UGGT2: variants seen among roughly 807,000 people sequenced by gnomAD.
The protein encoded by UGGT2 is UDP-glucose glycoprotein glucosyltransferase 2.
UGGT2 carries 180 observed loss-of-function variants against 192.1 expected under a neutral mutation model. The ratio of observed to expected loss-of-function variants is 0.94; its 90% CI spans 0.83 to 1.06. The LOEUF (loss-of-function observed/expected upper bound fraction) is 1.06. Ranked by LOEUF, UGGT2 falls within the 50% of genes least tolerant of loss-of-function variation. UGGT2 has a pLI of 0.00. For synonymous variants in UGGT2, 580 were observed against 591.0 expected, an observed-to-expected ratio of 0.98 and a Z score of 0.27; for missense variants, 1,849 against 1,795.7, an observed-to-expected ratio of 1.03 and a Z score of -0.54.
intron 2 of UGGT2, among the ~76,000 whole-genome samples, chr13:96,029,555 G>A (rs1012940475): frequency 6.6e-6 from 1 of 152,014 alleles, no homozygotes; most frequent in African/African-American, 2.4e-5. Context: ...CAAAGTGCTG[G>A]GATTACAGGC....
intron 1 of UGGT2, among the ~76,000 whole-genome samples, chr13:96,044,050 C>A (rs944187420): frequency 2.0e-5 from 3 of 152,090 alleles, no homozygotes; most frequent in Admixed American, 1.3e-4. Flanking sequence ...ACCCAACAAC[C>A]ACAGAATATA....
chr13:95,878,884 A>T (rs2047415886), intron 27 of UGGT2, among the ~76,000 whole-genome samples: 1 of 152,202 alleles, frequency 6.6e-6, no homozygotes, highest in Non-Finnish European at 1.5e-5. Flanking sequence ...AACAAAAAAT[A>T]AGTAACTTCT....
rs140660785 is a variant in UGGT2 at position 96,011,895 on chromosome 13, A to G, written c.660+1412T>C. Among the ~76,000 whole-genome samples the G allele has an allele frequency of 2.0e-5, 3 of 152,220 alleles. No individual in the cohort carries two copies. The East Asian group carries it at 5.8e-4, about 29-fold the overall frequency. On this transcript the variant is annotated intron_variant, in intron 5 of 38. Transcript: ENST00000376747. Reference sequence around the variant, plus strand: ...TGAAGAAAAAGTCTCTTCAAAATTAATCAGAAAGGTCCAATTCATTCCCGT... The same window carrying G: ...TGAAGAAAAAGTCTCTTCAAAATTAGTCAGAAAGGTCCAATTCATTCCCGT...
chr13:95,970,039 GC>G, intron 12 of UGGT2, 72 bp downstream of exon 12: 1 of 1,444,342 alleles, frequency 6.9e-7, no homozygotes, highest in South Asian at 1.3e-5. Flanking sequence ...CATCAGGCCT[GC>G]CGATACTTCA....
At chr13:96,050,316 T>C (rs935820494) in intron 1 of UGGT2, among the ~76,000 whole-genome samples, 69 of 152,188 alleles carry the variant, frequency 4.5e-4, no homozygotes, top group Non-Finnish European at 7.5e-4. Context: ...TTACACCTTA[T>C]ACAAAAATTA....
At chr13:95,981,783 C>T (rs1052427322) in intron 10 of UGGT2, among the ~76,000 whole-genome samples, 3 of 152,138 alleles carry the variant, frequency 2.0e-5, no homozygotes, top group Admixed American at 6.6e-5. Context: ...AATGAATAGT[C>T]CAAGATTTTC....
intron 5 of UGGT2, among the ~76,000 whole-genome samples, chr13:96,005,223 C>T (rs1196630095): frequency 1.3e-5 from 2 of 152,054 alleles, no homozygotes; most frequent in Non-Finnish European, 2.9e-5. Flanking sequence ...AAGAAAAAGG[C>T]ACCTGTGGGA....
chr13:95,972,913 G>C (rs1455778977), intron 10 of UGGT2, among the ~76,000 whole-genome samples: 3 of 152,254 alleles, frequency 2.0e-5, no homozygotes, highest in Non-Finnish European at 2.9e-5. Context: ...GCTTACGCCT[G>C]TAATGCCAGA....
chr13:95,837,571 T>C (rs771180162), intron 36 of UGGT2, among the ~76,000 whole-genome samples: 2 of 152,214 alleles, frequency 1.3e-5, no homozygotes, highest in Non-Finnish European at 2.9e-5. Flanking sequence ...CAATGCTCTC[T>C]GGATTCTGAG....
chr13:95,813,676 T>A (rs759016535), intron 38 of UGGT2, among the ~76,000 whole-genome samples: 1 of 152,182 alleles, frequency 6.6e-6, no homozygotes, highest in South Asian at 2.1e-4. Flanking sequence ...GATATTCGCA[T>A]AACCAAAAGT....
intron 31 of UGGT2, 23 bp from the exon 32 acceptor site, chr13:95,860,906 C>T (rs751671843): frequency 2.7e-6 from 4 of 1,467,936 alleles, no homozygotes; most frequent in Non-Finnish European, 3.7e-6. Context: ...AAGTAATTGA[C>T]ATTTCTTAAA....
intron 6 of UGGT2, among the ~76,000 whole-genome samples, chr13:95,998,929 C>T (rs759659147): frequency 5.3e-5 from 8 of 152,166 alleles, no homozygotes; most frequent in African/African-American, 2.4e-5. Context: ...CTTACATATA[C>T]TATCAATTGT....
intron 26 of UGGT2, among the ~76,000 whole-genome samples, chr13:95,886,648 C>A (rs764332943): frequency 2.0e-4 from 31 of 152,140 alleles, no homozygotes; most frequent in Non-Finnish European, 2.6e-4. Flanking sequence ...GATATATGGA[C>A]AAGAGTCTTG....
chr13:96,019,340 G>A (rs1162290119), intron 4 of UGGT2, among the ~76,000 whole-genome samples: 1 of 152,024 alleles, frequency 6.6e-6, no homozygotes, highest in Non-Finnish European at 1.5e-5. Flanking sequence ...GAAGTATGAT[G>A]GACCCACAAG....
intron 12 of UGGT2, among the ~76,000 whole-genome samples, chr13:95,955,937 G>A (rs561466061): frequency 1.1e-4 from 16 of 152,118 alleles, no homozygotes; most frequent in Non-Finnish European, 2.2e-4. Flanking sequence ...TCTGTATAAT[G>A]GGGATGCTAT....
rs1233705537 is a variant in UGGT2, at chr13:95,947,096, C to A, written c.1618G>T (p.Ala540Ser). ...ANDAGVALWR[A>S]FNYIAEEFDI... ...AATTCTTCTGCAATATAGTTGAAAG[C>A]TCGCCAGAGAGCAACTCCAGCATCA... Residue 540 changes from alanine (A) to serine (S), a missense_variant, in exon 15 of 39, where the codon GCT becomes TCT. Ala to Ser is a moderately conservative substitution (Grantham distance 99). Transcript: ENST00000376747. 1 of 1,611,922 alleles carries A rather than the reference C, an allele frequency of 6.2e-7. No homozygotes were observed. The highest frequency in any genetic ancestry group is 1.7e-5 in the Admixed American group (1 of 59,260).
At chr13:95,832,687 G>A (rs1464263948) in intron 38 of UGGT2, 1 of 591,180 alleles carries the variant, frequency 1.7e-6, no homozygotes, top group Non-Finnish European at 3.2e-6. Context: ...GGAGACTAAT[G>A]TTACACTATC....
At chr13:95,957,143 G>C (rs2050234221) in intron 12 of UGGT2, among the ~76,000 whole-genome samples, 1 of 152,162 alleles carries the variant, frequency 6.6e-6, no homozygotes, top group Non-Finnish European at 1.5e-5. Context: ...ACAGAAAGTA[G>C]ATAGAGCTTA....
At position 96,053,363 on chromosome 13, in the gene UGGT2, G is replaced by A. The variant is rs755578351; in HGVS notation, c.-51C>T. 3.2e-6 allele frequency: 5 copies of A among 1,547,984 alleles called. No homozygotes were observed. Among genetic ancestry groups the A allele is most frequent in the African/African-American group, 2.8e-5 (2 of 71,026 alleles). Reference sequence around the variant, plus strand: ...CTCGGACCCGGTACCCACAGTCTGTGGCCGCCACGCTTCGGCCGGCTCTTC... The same window carrying A: ...CTCGGACCCGGTACCCACAGTCTGTAGCCGCCACGCTTCGGCCGGCTCTTC... On this transcript the variant is annotated 5_prime_UTR_variant, in exon 1 of 39. Coordinates refer to ENST00000376747, the MANE Select transcript of UGGT2 (RefSeq NM_020121.4).
Sources: allele counts gnomAD v4.1 joint callset (sites outside exome capture counted in the v4.1 genomes callset), GRCh38; gene constraint gnomAD v4.1.1; transcripts MANE v1.5; gene names NCBI Gene and HGNC (gene_info 2026-07-23, HGNC 2026-07-21).